The following SLC25A20 variants were observed in gnomAD, a reference collection of about 807,000 sequenced individuals.
The protein encoded by SLC25A20 is solute carrier family 25 member 20, also known as mitochondrial carnitine/acylcarnitine carrier protein.
SLC25A20 carries 29 observed loss-of-function variants against 39.7 expected under a neutral mutation model. That is an observed-to-expected ratio of 0.73 (90% CI 0.54 to 1.00). The LOEUF is 1.00. SLC25A20 is among the 50% of genes least tolerant of loss of function. The probability of loss-of-function intolerance (pLI) is 0.00; values close to 1 mark genes in which losing one functional copy is unlikely to be tolerated. For synonymous variants in SLC25A20, 103 were observed against 142.2 expected, an observed-to-expected ratio of 0.72 and a Z score of 1.96; for missense variants, 333 against 379.9, an observed-to-expected ratio of 0.88 and a Z score of 1.03.
rs1361378026 is a variant in SLC25A20 at position 48,884,060 on chromosome 3, A to G, written c.263T>C (p.Val88Ala). Residue 88 changes from valine to alanine, a missense_variant, in exon 3 of 9, where the codon GTG becomes GCG. Transcript: ENST00000319017. Reference protein sequence around the residue: ...PIIGVTPMFAVCFFGFGLGKK... With the variant: ...PIIGVTPMFAACFFGFGLGKK... ...CCCCAAACCAAACCCAAAGAAGCACACGGCAAACATGGGAGTGACCCCGAT... is the reference window on the plus strand; with the variant it reads ...CCCCAAACCAAACCCAAAGAAGCACGCGGCAAACATGGGAGTGACCCCGAT... 2 of 1,613,956 alleles carry G rather than the reference A, an allele frequency of 1.2e-6. No homozygotes were observed. The highest frequency in any genetic ancestry group is 2.7e-5 in the African/African-American group (2 of 74,938).
intron 2 of SLC25A20, among the ~76,000 whole-genome samples, chr3:48,891,019 A>G (rs1321928531): frequency 2.0e-5 from 3 of 151,968 alleles, no homozygotes; most frequent in Non-Finnish European, 4.4e-5. Context: ...ACCAGTCTCC[A>G]TGTCTTGGTA....
At chr3:48,890,165 G>A (rs759362323) in intron 2 of SLC25A20, among the ~76,000 whole-genome samples, 2 of 152,084 alleles carry the variant, frequency 1.3e-5, no homozygotes, top group Admixed American at 6.6e-5. Context: ...CAGTGATCAC[G>A]CTCCTTGTCC....
Position 48,884,026 on chromosome 3 carries a change from T to C in SLC25A20, c.297A>G (p.Leu99=), listed in dbSNP as rs755484955. The change falls in exon 3 of 9, where the codon CTA becomes CTG. Residue 99 remains leucine, a synonymous_variant. Coordinates refer to ENST00000319017, the MANE Select transcript of SLC25A20 (RefSeq NM_000387.6). ...GCACATCTTCTGGGTGTTTCTGTTG[T>C]AGTTTCTTCCCCAAACCAAACCCAA... ...CFFGFGLGKK[L]QQKHPEDVLS... 5 of 1,613,796 alleles carry C rather than the reference T, an allele frequency of 3.1e-6. No homozygotes were observed. Among genetic ancestry groups the C allele is most frequent in the African/African-American group, 1.3e-5 (1 of 74,916 alleles).
chr3:48,895,603 A>AT (rs1191736565), intron 1 of SLC25A20, among the ~76,000 whole-genome samples: 2 of 151,770 alleles, frequency 1.3e-5, no homozygotes, highest in Non-Finnish European at 2.9e-5. Context: ...CATTTTTACC[A>AT]TTTTTTTAAT....
In SLC25A20 at chr3:48,859,664, A is replaced by G. The variant is rs202245048; in HGVS notation, c.536-37T>C. On this transcript the variant is annotated intron_variant, in intron 5 of 8. Transcript: ENST00000319017. ...AAGAAAAAGGTGAATTAAAGTACAT[A>G]AACTCTTCGCCAGGCATGGTGGTAC... The G allele has an allele frequency of 6.0e-6, 9 of 1,504,662 alleles. No individual in the cohort carries two copies. The Admixed American group carries it at 8.3e-5, about 14-fold the overall frequency. 93.2% of individuals were successfully genotyped at this position (1,504,662 alleles called of 1,614,324 possible).
rs1230852170 is a variant in SLC25A20 at position 48,859,516 on chromosome 3, T to C, written c.608+39A>G. The C allele has an allele frequency of 3.9e-6, 6 of 1,544,040 alleles. No individual in the cohort carries two copies. The Admixed American group carries it at 5.0e-5, about 13-fold the overall frequency. Reference sequence around the variant, plus strand: ...CCCACAGGAGAGGGCAACGCACCCATGACTGGGGAAAGTGGCTTCCAAGTT... The same window carrying C: ...CCCACAGGAGAGGGCAACGCACCCACGACTGGGGAAAGTGGCTTCCAAGTT... On this transcript the variant is annotated intron_variant, in intron 6 of 8. Coordinates refer to ENST00000319017, the MANE Select transcript of SLC25A20 (RefSeq NM_000387.6).
At chr3:48,866,884 C>T (rs2083674059) in intron 4 of SLC25A20, among the ~76,000 whole-genome samples, 1 of 152,070 alleles carries the variant, frequency 6.6e-6, no homozygotes, top group South Asian at 2.1e-4. Flanking sequence ...ACCTCTGCCT[C>T]CCAGGTTCAA....
intron 1 of SLC25A20, among the ~76,000 whole-genome samples, chr3:48,897,551 T>G (rs1484276302): frequency 6.6e-6 from 1 of 151,858 alleles, no homozygotes; most frequent in Non-Finnish European, 1.5e-5. Flanking sequence ...AATAAACATT[T>G]GATTTCATGT....
intron 1 of SLC25A20, among the ~76,000 whole-genome samples, chr3:48,897,656 G>A (rs1468357074): frequency 6.6e-6 from 1 of 152,158 alleles, no homozygotes; most frequent in Admixed American, 6.6e-5. Flanking sequence ...TCCTCTCTTG[G>A]ATGAAAGGCA....
intron 4 of SLC25A20, among the ~76,000 whole-genome samples, chr3:48,874,546 G>A (rs1347026171): frequency 1.3e-5 from 2 of 151,872 alleles, no homozygotes; most frequent in Non-Finnish European, 2.9e-5. Flanking sequence ...CAGAGAAATG[G>A]AGAAATGAAG....
chr3:48,860,633 C>T (rs1016328306), intron 5 of SLC25A20, among the ~76,000 whole-genome samples: 8 of 149,890 alleles, frequency 5.3e-5, no homozygotes, highest in Admixed American at 2.7e-4. Flanking sequence ...ACAAAAAATA[C>T]AAAAATTAGC....
intron 4 of SLC25A20, among the ~76,000 whole-genome samples, chr3:48,864,349 A>G (rs1323397360): frequency 5.0e-4 from 5 of 9,906 alleles, no homozygotes; most frequent in Admixed American, 1.4e-3. Flanking sequence ...CTCTGTCTCA[A>G]AAAAAAAAAA....
intron 1 of SLC25A20, 46 bp from the exon 2 acceptor site, chr3:48,892,118 G>T: frequency 1.4e-6 from 2 of 1,466,636 alleles, no homozygotes; most frequent in Non-Finnish European, 1.9e-6. Flanking sequence ...AATCAGAACT[G>T]CCTGTCAGCA....
At position 48,858,392 on chromosome 3, in the gene SLC25A20, A is replaced by G. The variant is rs563333763; in HGVS notation, c.843+115T>C. On this transcript the variant is annotated intron_variant, in intron 8 of 8. Transcript: ENST00000319017. The stretch of plus-strand genomic sequence containing the variant: ...CAAATAAGGAATGCTCTGGCTGAAG[A>G]TAGGGCTTTGGGAAAACTGAGACCC... 9.0e-5 allele frequency: 133 copies of G among 1,472,248 alleles called. No homozygotes were observed. In the African/African-American group the frequency reaches 1.6e-3, roughly 18 times the overall value. 91.2% of individuals were successfully genotyped at this position (1,472,248 alleles called of 1,614,324 possible).
At chr3:48,890,651 CTTT>C (rs71077750) in intron 2 of SLC25A20, among the ~76,000 whole-genome samples, 10 of 78,114 alleles carry the variant, frequency 1.3e-4, no homozygotes, top group Admixed American at 3.3e-4. Context: ...GCCCCCTTGT[CTTT>C]TTTTTTTTTT....
intron 1 of SLC25A20, among the ~76,000 whole-genome samples, chr3:48,894,682 G>A (rs1370813476): frequency 6.6e-6 from 1 of 152,162 alleles, no homozygotes. Context: ...CTGGCATGCA[G>A]TGGTGCCATC....
chr3:48,880,123 A>G (rs2083787116), intron 3 of SLC25A20, among the ~76,000 whole-genome samples: 1 of 152,174 alleles, frequency 6.6e-6, no homozygotes, highest in South Asian at 2.1e-4. Context: ...GTACAGGGAA[A>G]TAGTCCCCCA....
rs895752302 is a variant in SLC25A20 at position 48,857,745 on chromosome 3, T to G, written c.871A>C (p.Met291Leu). The G allele has an allele frequency of 1.7e-5, 27 of 1,613,750 alleles. No individual in the cohort carries two copies. Among genetic ancestry groups the G allele is most frequent in the African/African-American group, 2.7e-5 (2 of 74,852 alleles). ...AACFLGFEVA[M>L]KFLNWATPNL ...GGGGTGGCCCAATTAAGGAACTTCATGGCAACTTCAAAGCCAAGGAAACAG... is the reference window on the plus strand; with the variant it reads ...GGGGTGGCCCAATTAAGGAACTTCAGGGCAACTTCAAAGCCAAGGAAACAG... Residue 291 changes from methionine (M) to leucine (L), a missense_variant, in exon 9 of 9, where the codon ATG becomes CTG. By Grantham distance (15) the Met-to-Leu change is conservative (BLOSUM62 2). Coordinates refer to ENST00000319017, the MANE Select transcript of SLC25A20 (RefSeq NM_000387.6).
At chr3:48,881,700 C>T (rs1257797034) in intron 3 of SLC25A20, among the ~76,000 whole-genome samples, 2 of 152,140 alleles carry the variant, frequency 1.3e-5, no homozygotes, top group African/African-American at 4.8e-5. Flanking sequence ...TACAGGAACA[C>T]AGCCCATAGT....
Sources: allele counts gnomAD v4.1 joint callset (sites outside exome capture counted in the v4.1 genomes callset), GRCh38; gene constraint gnomAD v4.1.1; transcripts MANE v1.5; gene names NCBI Gene and HGNC (gene_info 2026-07-23, HGNC 2026-07-21).